Variants in FBXW11 observed in about 807,000 individuals in gnomAD.
FBXW11 encodes the protein F-box/WD repeat-containing protein 11.
Under a neutral mutation model 77.6 loss-of-function variants are expected in FBXW11, and 19 were observed. The observed-to-expected ratio is 0.24, with a 90% CI of 0.17 to 0.36. The LOEUF is 0.36. Ranked by LOEUF, FBXW11 falls within the 10% of genes least tolerant of loss-of-function variation. The probability of loss-of-function intolerance (pLI) is 1.00; values close to 1 mark genes in which losing one functional copy is unlikely to be tolerated. For missense variants in FBXW11, 334 were observed against 704.2 expected (o/e 0.47, Z 5.95); for synonymous variants, 235 against 249.4 (o/e 0.94, Z 0.54).
intron 2 of FBXW11, among the ~76,000 whole-genome samples, chr5:171,923,176 A>C (rs1486638198): frequency 6.6e-6 from 1 of 152,160 alleles, no homozygotes; most frequent in Non-Finnish European, 1.5e-5. Flanking sequence ...AGCCTCCCAA[A>C]GTGCTGGGAT....
At chr5:171,964,505 C>T (rs1214199458) in intron 1 of FBXW11, among the ~76,000 whole-genome samples, 1 of 152,234 alleles carries the variant, frequency 6.6e-6, no homozygotes, top group Non-Finnish European at 1.5e-5. Flanking sequence ...GCCAAATAAA[C>T]TAAGCATTAA....
At chr5:171,906,612 A>G (rs1202507346) in intron 4 of FBXW11, among the ~76,000 whole-genome samples, 4 of 152,148 alleles carry the variant, frequency 2.6e-5, no homozygotes, top group Non-Finnish European at 5.9e-5. Flanking sequence ...TACCCAATAG[A>G]TGCCAGGCAT....
intron 2 of FBXW11, among the ~76,000 whole-genome samples, chr5:171,942,319 T>C (rs894556825): frequency 1.4e-4 from 21 of 151,722 alleles, no homozygotes; most frequent in Admixed American, 1.3e-4. Context: ...GAATGATGCA[T>C]TGCCTTTAGT....
chr5:171,869,858 C>T lies in FBXW11; in HGVS notation c.1452-51G>A, dbSNP rs1437222175. The T allele has an allele frequency of 3.2e-6, 4 of 1,256,342 alleles. No individual in the cohort carries two copies. The highest frequency in any genetic ancestry group is 1.5e-5 in the African/African-American group (1 of 66,682). The allele number at this position is 1,256,342 out of a possible 1,614,324, so 77.8% of individuals were successfully genotyped here. On this transcript the variant is annotated intron_variant, in intron 11 of 13. Coordinates refer to ENST00000517395, the MANE Select transcript of FBXW11 (RefSeq NM_001378974.1). The surrounding 1 kb of genome is among the most constrained non-coding windows in gnomAD (Gnocchi z 4.1). ...AGTGGAAAAGTGAACAATTTATATG[C>T]TGTCAAACATTTCCTTGAAAAAAAG...
At chr5:171,882,854 T>C (rs918285644) in intron 7 of FBXW11, among the ~76,000 whole-genome samples, 3 of 152,140 alleles carry the variant, frequency 2.0e-5, no homozygotes, top group Non-Finnish European at 4.4e-5. Flanking sequence ...AGTTCTTTAG[T>C]GGTGATTTGT....
At chr5:171,955,671 C>T (rs994845010) in intron 2 of FBXW11, among the ~76,000 whole-genome samples, 43 of 152,076 alleles carry the variant, frequency 2.8e-4, no homozygotes, top group African/African-American at 1.0e-3. Context: ...TTTGCTAATG[C>T]CAATGAGCTG....
At chr5:171,877,943 A>C (rs1758211277) in intron 8 of FBXW11, 68 bp downstream of exon 8, 1 of 1,104,608 alleles carries the variant, frequency 9.1e-7, no homozygotes, top group Admixed American at 1.9e-5. Flanking sequence ...CTCCCAGAGG[A>C]GGATGTCAAT....
At chr5:171,895,177 G>T (rs1255328656) in intron 6 of FBXW11, among the ~76,000 whole-genome samples, 1 of 152,146 alleles carries the variant, frequency 6.6e-6, no homozygotes, top group African/African-American at 2.4e-5. Context: ...CCATCATGTG[G>T]TATGGCTACT....
At chr5:171,922,922 C>CGTGT (rs372433343) in intron 2 of FBXW11, among the ~76,000 whole-genome samples, 1 of 150,106 alleles carries the variant, frequency 6.7e-6, no homozygotes, top group East Asian at 1.9e-4. Flanking sequence ...TGTGTGTGTG[C>CGTGT]GTGTGTGTGT....
chr5:171,940,942 A>C (rs527429349), intron 2 of FBXW11, among the ~76,000 whole-genome samples: 1 of 152,154 alleles, frequency 6.6e-6, no homozygotes, highest in East Asian at 1.9e-4. Flanking sequence ...TAAACTTTAA[A>C]CACTCTGACC....
rs986928866 is a variant in FBXW11 at position 171,869,273 on chromosome 5, C to A, written c.1530+456G>T. Among the ~76,000 whole-genome samples the A allele has an allele frequency of 6.6e-6, 1 of 152,116 alleles. No homozygotes were observed. Among genetic ancestry groups the A allele is most frequent in the Non-Finnish European group, 1.5e-5 (1 of 68,000 alleles). On this transcript the variant is annotated intron_variant, in intron 12 of 13. Coordinates refer to ENST00000517395, the MANE Select transcript of FBXW11 (RefSeq NM_001378974.1). The surrounding 1 kb of genome is among the most constrained non-coding windows in gnomAD (Gnocchi z 4.1). ...CTAGTAAATGCAAGAAGTGAAGAAA[C>A]AGAAATAAAACTACTAAAATCTTTT...
intron 11 of FBXW11, among the ~76,000 whole-genome samples, chr5:171,870,203 C>A (rs1345672575): frequency 2.0e-5 from 3 of 152,120 alleles, no homozygotes; most frequent in Non-Finnish European, 4.4e-5. Flanking sequence ...TAAGCAAATG[C>A]TGGAAGTTAG....
At chr5:171,961,541 T>C (rs533714133) in intron 1 of FBXW11, among the ~76,000 whole-genome samples, 12 of 152,300 alleles carry the variant, frequency 7.9e-5, no homozygotes, top group African/African-American at 2.4e-4. Flanking sequence ...TTAGATCTAA[T>C]AGATCAGGAG....
intron 1 of FBXW11, among the ~76,000 whole-genome samples, chr5:171,981,205 C>T (rs1304811312): frequency 6.6e-6 from 1 of 152,030 alleles, no homozygotes; most frequent in African/African-American, 2.4e-5. Flanking sequence ...CAAACATATG[C>T]CTCTACCAGG....
chr5:171,864,174 C>T (rs1182539768), intron 13 of FBXW11, 73 bp from the exon 14 acceptor site: 3 of 152,224 alleles, frequency 2.0e-5, no homozygotes, highest in African/African-American at 7.2e-5. Context: ...ACACACTCCA[C>T]TCCACCCCCT....
chr5:172,004,344 A>C (rs1308633289), intron 1 of FBXW11, among the ~76,000 whole-genome samples: 1 of 152,222 alleles, frequency 6.6e-6, no homozygotes, highest in Admixed American at 6.5e-5. Context: ...TAATATAACT[A>C]AACTCTGTTA....
chr5:171,884,609 G>A (rs958850635), intron 7 of FBXW11, among the ~76,000 whole-genome samples: 1 of 152,142 alleles, frequency 6.6e-6, no homozygotes, highest in Admixed American at 6.5e-5. Flanking sequence ...TCCTTTCCTG[G>A]TTTTGGTATT....
At position 171,944,574 on chromosome 5, in the gene FBXW11, C is replaced by CAAAAA. The variant is rs34106047; in HGVS notation, c.147+13018_147+13022dup. On this transcript the variant is annotated intron_variant, in intron 2 of 13. Coordinates refer to ENST00000517395, the MANE Select transcript of FBXW11 (RefSeq NM_001378974.1). ...CCTGGGCGACAGCGAGACTCCATCT[C>CAAAAA]AAAAAAAAAAAAAAAAAAAACAACT... is the stretch of plus-strand genomic sequence containing the variant. 1.2e-3 allele frequency among the ~76,000 whole-genome samples: 97 copies of CAAAAA among 80,184 alleles called. 2 individuals carry two copies. The highest frequency in any genetic ancestry group is 8.2e-3 in the Middle Eastern group (1 of 122). The allele number at this position is 80,184 out of a possible 152,430, so 52.6% of individuals were successfully genotyped here.
intron 2 of FBXW11, among the ~76,000 whole-genome samples, chr5:171,923,367 G>A (rs1278347578): frequency 2.0e-5 from 3 of 152,108 alleles, no homozygotes; most frequent in African/African-American, 7.2e-5. Context: ...TCTTAATGGT[G>A]TCTTTTGATA....
Sources: gnomAD v4.1 joint callset for allele counts (sites outside exome capture counted in the v4.1 genomes callset) on GRCh38, gnomAD v4.1.1 for gene constraint, Gnocchi (gnomAD v3.1) non-coding constraint, MANE v1.5 for transcripts, NCBI Gene and HGNC (gene_info 2026-07-23, HGNC 2026-07-21) for gene names.